PHF14: variants seen among roughly 807,000 people sequenced by gnomAD.
The protein encoded by PHF14 is PHD finger protein 14.
PHF14 carries 55 observed loss-of-function variants against 117.9 expected under a neutral mutation model. The observed-to-expected ratio is 0.47, with a 90% CI of 0.38 to 0.58. PHF14 has a LOEUF of 0.58. Among genes scored for constraint, PHF14 ranks in the 20% least tolerant of loss-of-function variants. PHF14 has a pLI of 0.00. For missense variants in PHF14, 978 were observed against 1,122.2 expected, an observed-to-expected ratio of 0.87 and a Z score of 1.84; for synonymous variants, 409 against 368.6, an observed-to-expected ratio of 1.11 and a Z score of -1.26.
intron 11 of PHF14, 84 bp from the exon 12 acceptor site, chr7:11,040,588 C>A: frequency 1.8e-6 from 1 of 549,886 alleles, no homozygotes. Flanking sequence ...ACTATATTTA[C>A]TTGGCTTGAG....
chr7:11,028,616 T>G, intron 6 of PHF14, 65 bp from the exon 7 acceptor site: 20 of 1,430,168 alleles, frequency 1.4e-5, no homozygotes, highest in South Asian at 3.5e-5. Flanking sequence ...ACACTTTGTA[T>G]GAGAATGCAG....
At chr7:11,127,064 T>C (rs1362965893) in intron 17 of PHF14, among the ~76,000 whole-genome samples, 1 of 152,082 alleles carries the variant, frequency 6.6e-6, no homozygotes, top group Non-Finnish European at 1.5e-5. Flanking sequence ...CCCCAGTTAC[T>C]CTCAGACAAA....
At chr7:11,104,070 C>G in intron 16 of PHF14, 1 of 984,474 alleles carries the variant, frequency 1.0e-6, no homozygotes, top group Non-Finnish European at 1.2e-6. Context: ...AGACCATGGC[C>G]CTCTTTTAAT....
intron 17 of PHF14, among the ~76,000 whole-genome samples, chr7:11,144,850 A>G (rs921088909): frequency 6.6e-6 from 1 of 151,860 alleles, no homozygotes; most frequent in African/African-American, 2.4e-5. Flanking sequence ...CAGTCACAAA[A>G]AGACAGATAC....
intron 17 of PHF14, among the ~76,000 whole-genome samples, chr7:11,167,609 G>A (rs1789237475): frequency 6.6e-6 from 1 of 152,158 alleles, no homozygotes; most frequent in Non-Finnish European, 1.5e-5. Flanking sequence ...GACAAATTCA[G>A]TGCTACATAT....
chr7:11,135,924 G>T (rs1788208195), intron 17 of PHF14, among the ~76,000 whole-genome samples: 1 of 152,052 alleles, frequency 6.6e-6, no homozygotes, highest in Admixed American at 6.6e-5. Flanking sequence ...CCAAGGTAAA[G>T]GATGATGTAT....
rs911305958 is a variant in PHF14, at chr7:11,060,069, G to A, written c.2482-1722G>A. The stretch of plus-strand genomic sequence containing the variant: ...CATTTTTATTGTTAGTAGAGATAAG[G>A]TCTCTCTGTGTTGCCCAGGCTGGTC... On this transcript the variant is annotated intron_variant, in intron 14 of 17. Transcript: ENST00000634607. 4.6e-5 allele frequency among the ~76,000 whole-genome samples: 7 copies of A among 152,102 alleles called. No homozygotes were observed. The East Asian group carries it at 1.4e-3, about 29-fold the overall frequency.
chr7:11,088,091 T>C lies in PHF14; in HGVS notation c.2655-23259T>C, dbSNP rs151098499. Among the ~76,000 whole-genome samples the C allele has an allele frequency of 8.5e-4, 130 of 152,294 alleles. 2 individuals are homozygous for C. The Middle Eastern group carries it at 0.02, about 24-fold the overall frequency. On this transcript the variant is annotated intron_variant, in intron 16 of 17. Coordinates refer to ENST00000634607, the MANE Select transcript of PHF14 (RefSeq NM_001007157.2). ...CATTGATTCCAGGACCGCTCTCGGA[T>C]ATCAAAATCTGAAGATGCTCAAGTC... is the stretch of plus-strand genomic sequence containing the variant.
At chr7:11,039,642 G>C (rs1784438497) in intron 11 of PHF14, among the ~76,000 whole-genome samples, 1 of 152,096 alleles carries the variant, frequency 6.6e-6, no homozygotes, top group Non-Finnish European at 1.5e-5. Context: ...CATTATACTT[G>C]TTTTAGAGGT....
chr7:10,990,549 T>G (rs1782413903), intron 3 of PHF14, among the ~76,000 whole-genome samples, 154 bp from the exon 4 acceptor site: 1 of 152,018 alleles, frequency 6.6e-6, no homozygotes, highest in African/African-American at 2.4e-5. Flanking sequence ...ATTTCTCAAA[T>G]ATAATGTACT....
chr7:11,025,828 C>T (rs1269599921), intron 6 of PHF14, among the ~76,000 whole-genome samples: 1 of 151,776 alleles, frequency 6.6e-6, no homozygotes, highest in Non-Finnish European at 1.5e-5. Flanking sequence ...AAGAAATTGC[C>T]AGGCTGGGTG....
At chr7:11,097,634 T>C (rs999123570) in intron 16 of PHF14, among the ~76,000 whole-genome samples, 1 of 152,208 alleles carries the variant, frequency 6.6e-6, no homozygotes, top group East Asian at 1.9e-4. Flanking sequence ...TTGAATACTT[T>C]CCCTTACCAC....
intron 16 of PHF14, among the ~76,000 whole-genome samples, chr7:11,101,486 T>A (rs1787089561): frequency 6.6e-6 from 1 of 151,892 alleles, no homozygotes; most frequent in Non-Finnish European, 1.5e-5. Flanking sequence ...TTAGCACGTG[T>A]GATCTTACTA....
At chr7:11,017,261 T>C (rs1014439182) in intron 5 of PHF14, among the ~76,000 whole-genome samples, 4 of 152,204 alleles carry the variant, frequency 2.6e-5, no homozygotes, top group African/African-American at 9.6e-5. Flanking sequence ...TTCGGATGTA[T>C]ACCCAACAGT....
intron 17 of PHF14, among the ~76,000 whole-genome samples, chr7:11,139,150 G>A (rs1185460005): frequency 6.6e-6 from 1 of 152,010 alleles, no homozygotes; most frequent in Admixed American, 6.6e-5. Context: ...GCAATTTTGA[G>A]TAATTTAACA....
chr7:11,041,378 C>G (rs1784499952), intron 12 of PHF14, among the ~76,000 whole-genome samples: 1 of 151,578 alleles, frequency 6.6e-6, no homozygotes. Context: ...CACTTTTTCC[C>G]AAATAATTAT....
intron 4 of PHF14, among the ~76,000 whole-genome samples, chr7:11,009,616 T>C (rs556321867): frequency 6.6e-6 from 1 of 152,316 alleles, no homozygotes; most frequent in South Asian, 2.1e-4. Context: ...CTAATTAAAA[T>C]GAATTGGAGC....
At chr7:11,011,240 G>C (rs1783346823) in intron 4 of PHF14, among the ~76,000 whole-genome samples, 1 of 151,848 alleles carries the variant, frequency 6.6e-6, no homozygotes, top group South Asian at 2.1e-4. Flanking sequence ...TCTCGTGGGT[G>C]ATTTGTTTAA....
chr7:11,013,216 C>T (rs1446678018), intron 4 of PHF14, among the ~76,000 whole-genome samples: 1 of 152,054 alleles, frequency 6.6e-6, no homozygotes, highest in Non-Finnish European at 1.5e-5. Context: ...GGCTGGAGTG[C>T]AGTGGCGCAA....
Sources: gnomAD v4.1 joint callset for allele counts (sites outside exome capture counted in the v4.1 genomes callset) on GRCh38, gnomAD v4.1.1 for gene constraint, MANE v1.5 for transcripts, NCBI Gene and HGNC (gene_info 2026-07-23, HGNC 2026-07-21) for gene names.